Variants in EVC2 observed in about 807,000 individuals in gnomAD.
EVC2 encodes EvC ciliary complex subunit 2.
Under a neutral mutation model 149.3 loss-of-function variants are expected in EVC2, and 148 were observed. The ratio of observed to expected loss-of-function variants is 0.99; its 90% CI spans 0.87 to 1.14. The LOEUF is 1.14. Among genes scored for constraint, EVC2 ranks in the 50% most tolerant of loss-of-function variants. The pLI, the probability that EVC2 is intolerant of heterozygous loss-of-function variation, is 0.00. For synonymous variants in EVC2, 776 were observed against 649.9 expected (o/e 1.19, Z -2.95); for missense variants, 1,854 against 1,627.3 (o/e 1.14, Z -2.40).
Position 5,708,525 on chromosome 4 carries a change from A to C in EVC2, c.-12T>G, listed in dbSNP as rs1385149657. 5.5e-6 allele frequency: 8 copies of C among 1,443,002 alleles called. No individual in the cohort carries two copies. The highest frequency in any genetic ancestry group is 6.3e-6 in the Non-Finnish European group (7 of 1,104,976). 89.4% of individuals were successfully genotyped at this position (1,443,002 alleles called of 1,614,324 possible). ...CCCGAGGGGTCCATCGCCTGTCGGG[A>C]CCCGCTACCTCAAAGCGGCGGGTGC... On this transcript the variant is annotated 5_prime_UTR_variant, in exon 1 of 22. Transcript: ENST00000344408.
At chr4:5,612,611 A>G (rs1005105798) in intron 16 of EVC2, among the ~76,000 whole-genome samples, 18 of 152,288 alleles carry the variant, frequency 1.2e-4, no homozygotes, top group Admixed American at 3.3e-4. Context: ...GGCTGGAAAC[A>G]GAGGAGATGG....
At chr4:5,610,789 CTTTTCTTT>C (rs1714752881) in intron 16 of EVC2, among the ~76,000 whole-genome samples, 1 of 113,576 alleles carries the variant, frequency 8.8e-6, no homozygotes, top group Non-Finnish European at 1.6e-5. Flanking sequence ...CTCCTTTTTC[CTTTTCTTT>C]TTTTTTTTTT....
chr4:5,685,322 C>T (rs1720623109), intron 6 of EVC2, 48 bp downstream of exon 6: 3 of 1,555,866 alleles, frequency 1.9e-6, no homozygotes, highest in East Asian at 2.2e-5. Context: ...TCTAAAACAA[C>T]CTCTCTTGGC....
intron 1 of EVC2, among the ~76,000 whole-genome samples, chr4:5,702,535 G>A (rs534418144): frequency 6.6e-6 from 1 of 152,206 alleles, no homozygotes; most frequent in Admixed American, 6.5e-5. Context: ...AGAATGGTCT[G>A]CATTGATGAA....
rs943040648 is a variant in EVC2 at position 5,633,389 on chromosome 4, G to T, written c.1471-1357C>A. ...CTGAGACAATGTCACTAATGTGTGT[G>T]GTTGCTTAGGCAGGAATAGAAAACT... On this transcript the variant is annotated intron_variant, in intron 10 of 21. Coordinates refer to ENST00000344408, the MANE Select transcript of EVC2 (RefSeq NM_147127.5). This position sits in a 1 kb window ranked among gnomAD's most constrained non-coding sequence, Gnocchi z 4.4. Among the ~76,000 whole-genome samples the T allele has an allele frequency of 6.6e-6, 1 of 152,188 alleles. No homozygotes were observed. Among genetic ancestry groups the T allele is most frequent in the Non-Finnish European group, 1.5e-5 (1 of 68,028 alleles).
chr4:5,607,267 T>G (rs558545920), intron 16 of EVC2, among the ~76,000 whole-genome samples: 1 of 152,190 alleles, frequency 6.6e-6, no homozygotes, highest in Admixed American at 6.5e-5. Flanking sequence ...TGAAAACAAT[T>G]GTAAAATTTC....
At chr4:5,699,891 A>T (rs1294872343) in intron 1 of EVC2, among the ~76,000 whole-genome samples, 1 of 152,208 alleles carries the variant, frequency 6.6e-6, no homozygotes, top group African/African-American at 2.4e-5. Flanking sequence ...CTGTAATCCC[A>T]GCACTTTGGG....
At chr4:5,631,246 G>C (rs771892741) in intron 11 of EVC2, among the ~76,000 whole-genome samples, 20 of 152,006 alleles carry the variant, frequency 1.3e-4, no homozygotes, top group Non-Finnish European at 2.5e-4. Context: ...TATTTTATTT[G>C]AGACAGGGTC....
chr4:5,555,017 C>CGTGTGT (rs35387388), intron 21 of EVC2, among the ~76,000 whole-genome samples: 7 of 149,212 alleles, frequency 4.7e-5, no homozygotes, highest in South Asian at 2.1e-4. Context: ...AGAGAGGAAG[C>CGTGTGT]GTGTGTGTGT....
chr4:5,622,387 C>T lies in EVC2; in HGVS notation c.2501+150G>A, dbSNP rs1238112078. The T allele has an allele frequency of 8.1e-5, 72 of 893,136 alleles. 1 individual carries two copies. Among genetic ancestry groups the T allele is most frequent in the Middle Eastern group, 6.1e-4 (2 of 3,292 alleles). The allele number at this position is 893,136 out of a possible 1,614,324, so 55.3% of individuals were successfully genotyped here. On this transcript the variant is annotated intron_variant, in intron 14 of 21. Transcript: ENST00000344408. The surrounding 1 kb of genome is among the most constrained non-coding windows in gnomAD (Gnocchi z 5.8). ...GACATTCGAGGTCCTCCCCCCGGGG[C>T]GTTGAGTTTATATGACTAATTAACG... is the stretch of plus-strand genomic sequence containing the variant.
chr4:5,564,960 G>C (rs1396579871), intron 21 of EVC2, among the ~76,000 whole-genome samples: 1 of 152,186 alleles, frequency 6.6e-6, no homozygotes, highest in Non-Finnish European at 1.5e-5. Context: ...AGGGCTTTGT[G>C]AACAGTAGCT....
intron 13 of EVC2, among the ~76,000 whole-genome samples, chr4:5,623,283 C>T (rs1418590284): frequency 6.6e-6 from 1 of 151,888 alleles, no homozygotes; most frequent in Non-Finnish European, 1.5e-5. Flanking sequence ...ATTACGGGCA[C>T]GTGCGCCATG....
intron 16 of EVC2, among the ~76,000 whole-genome samples, chr4:5,599,325 T>C (rs924623469): frequency 6.6e-6 from 1 of 151,908 alleles, no homozygotes; most frequent in Non-Finnish European, 1.5e-5. Flanking sequence ...CCAACCCAAA[T>C]GGCCAACAAT....
rs1722504875 is a variant in EVC2, at chr4:5,569,250, G to T, written c.3361-610C>A. ...TGCCAGGTGTGGGGCAGGGGAGGTG[G>T]GTGTGGCCTTAAAGGGGCAGCCCAG... On this transcript the variant is annotated intron_variant, in intron 19 of 21. Coordinates refer to ENST00000344408, the MANE Select transcript of EVC2 (RefSeq NM_147127.5). This position sits in a 1 kb window ranked among gnomAD's most constrained non-coding sequence, Gnocchi z 4.8. Among the ~76,000 whole-genome samples the T allele has an allele frequency of 1.3e-5, 2 of 152,194 alleles. No individual in the cohort carries two copies. The highest frequency in any genetic ancestry group is 4.8e-5 in the African/African-American group (2 of 41,468).
In EVC2 at chr4:5,650,628, T is replaced by G. The variant is rs1020134486; in HGVS notation, c.1146-9790A>C. Among the ~76,000 whole-genome samples the G allele has an allele frequency of 3.1e-3, 238 of 77,242 alleles. 1 individual carries two copies. The highest frequency in any genetic ancestry group is 7.2e-3 in the African/African-American group (157 of 21,752). The allele number at this position is 77,242 out of a possible 152,430, so 50.7% of individuals were successfully genotyped here. On this transcript the variant is annotated intron_variant, in intron 9 of 21. Coordinates refer to ENST00000344408, the MANE Select transcript of EVC2 (RefSeq NM_147127.5). ...CCATATATATATATATATATATATA[T>G]ATATATATATAGAGAGAGAGAGAGA...
intron 7 of EVC2, among the ~76,000 whole-genome samples, chr4:5,668,830 T>C (rs1194709777): frequency 1.3e-5 from 2 of 152,168 alleles, no homozygotes; most frequent in African/African-American, 2.4e-5. Flanking sequence ...TTGAGTTGAG[T>C]TGTGCCCTCC....
At chr4:5,697,746 CTTT>C (rs748171113) in intron 1 of EVC2, 99 bp from the exon 2 acceptor site, 285 of 813,142 alleles carry the variant, frequency 3.5e-4, no homozygotes, top group Non-Finnish European at 3.8e-4. Context: ...AGGACATGCA[CTTT>C]TTTTTTTTTT....
intron 9 of EVC2, among the ~76,000 whole-genome samples, chr4:5,653,175 C>A (rs1388905545): frequency 6.6e-6 from 1 of 152,178 alleles, no homozygotes; most frequent in African/African-American, 2.4e-5. Flanking sequence ...GATCAAGGCC[C>A]ACCCTAATAG....
chr4:5,597,068 T>G (rs1489677473), intron 16 of EVC2, among the ~76,000 whole-genome samples: 1 of 152,188 alleles, frequency 6.6e-6, no homozygotes, highest in Non-Finnish European at 1.5e-5. Context: ...ACTGTGGCAA[T>G]AATCAATAGC....
Sources: allele counts gnomAD v4.1 joint callset (sites outside exome capture counted in the v4.1 genomes callset), GRCh38; gene constraint gnomAD v4.1.1; non-coding constraint Gnocchi (gnomAD v3.1); transcripts MANE v1.5; gene names NCBI Gene and HGNC (gene_info 2026-07-23, HGNC 2026-07-21).